SVOP: variants seen among roughly 807,000 people sequenced by gnomAD.
SVOP encodes SV2 related protein, also known as synaptic vesicle 2-related protein.
A neutral mutation model predicts 69.1 loss-of-function variants in SVOP; 17 were observed. The ratio of observed to expected loss-of-function variants is 0.25; its 90% confidence interval spans 0.17 to 0.37. The LOEUF is 0.37. Among genes scored for constraint, SVOP ranks in the 10% least tolerant of loss-of-function variants. SVOP has a pLI of 1.00. For missense variants in SVOP, 435 were observed against 597.5 expected, an observed-to-expected ratio of 0.73 and a Z score of 2.84; for synonymous variants, 238 against 238.6, an observed-to-expected ratio of 1.00 and a Z score of 0.02.
chr12:108,947,477 T>C (rs149859695), intron 6 of SVOP, among the ~76,000 whole-genome samples: 2 of 152,328 alleles, frequency 1.3e-5, no homozygotes, highest in East Asian at 3.9e-4. Flanking sequence ...ACCTTAGGGT[T>C]CATTCTAAAC....
At position 108,936,023 on chromosome 12, in the gene SVOP, T is replaced by TACACACACACACACACACACAC. The variant is rs144380662; in HGVS notation, c.971+1219_971+1240dup. On this transcript the variant is annotated intron_variant, in intron 10 of 15. Transcript: ENST00000610966. ...AGGGAAGACACTGACATAGTATAAATACACACACACACACACACACACACA... is the reference window on the plus strand; with the variant it reads ...AGGGAAGACACTGACATAGTATAAATACACACACACACACACACACACACACACACACACACACACACACACA... Among the ~76,000 whole-genome samples the TACACACACACACACACACACAC allele has an allele frequency of 4.8e-3, 700 of 144,638 alleles. 2 individuals are homozygous for TACACACACACACACACACACAC. Among genetic ancestry groups the TACACACACACACACACACACAC allele is most frequent in the Non-Finnish European group, 6.7e-3 (440 of 65,988 alleles). 94.9% of individuals were successfully genotyped at this position (144,638 alleles called of 152,430 possible).
At chr12:109,019,916 C>A (rs1027550464) in intron 1 of SVOP, among the ~76,000 whole-genome samples, 1 of 152,108 alleles carries the variant, frequency 6.6e-6, no homozygotes, top group Non-Finnish European at 1.5e-5. Flanking sequence ...AAAATACACA[C>A]ACACTAACTA....
At chr12:108,923,912 A>G (rs774727074) in intron 11 of SVOP, among the ~76,000 whole-genome samples, 2 of 152,118 alleles carry the variant, frequency 1.3e-5, no homozygotes, top group African/African-American at 4.8e-5. Context: ...CTCTCAAACT[A>G]TGGGACTAAT....
intron 1 of SVOP, among the ~76,000 whole-genome samples, chr12:108,991,218 C>A (rs1566064168): frequency 6.6e-6 from 1 of 152,184 alleles, no homozygotes; most frequent in Non-Finnish European, 1.5e-5. Flanking sequence ...TGACAGACTG[C>A]CTTAGGCCTG....
chr12:108,918,941 C>T (rs1203250790), intron 13 of SVOP, among the ~76,000 whole-genome samples: 1 of 152,090 alleles, frequency 6.6e-6, no homozygotes, highest in African/African-American at 2.4e-5. Context: ...ACCCTCAGTC[C>T]TAATGAACAC....
At chr12:108,999,365 A>G (rs1268605768) in intron 1 of SVOP, among the ~76,000 whole-genome samples, 1 of 151,638 alleles carries the variant, frequency 6.6e-6, no homozygotes, top group Non-Finnish European at 1.5e-5. Flanking sequence ...TAATAATGGC[A>G]GACTTTAACA....
In SVOP at chr12:108,960,814, T is replaced by C. The variant is rs1001689950; in HGVS notation, c.578+109A>G. On this transcript the variant is annotated intron_variant, in intron 6 of 15. Transcript: ENST00000610966. ...GATCCTGGAAGCCCTGGTATAGCTA[T>C]CTCTGCACCCCTGCTGCCCCATCTC... 3 of 1,358,078 alleles carry C rather than the reference T, an allele frequency of 2.2e-6. No individual in the cohort carries two copies. The African/African-American group carries it at 4.4e-5, about 20-fold the overall frequency. 84.1% of individuals were successfully genotyped at this position (1,358,078 alleles called of 1,614,324 possible). A position where few individuals can be genotyped will look rare whatever the true frequency, so the allele number is the denominator to read the frequency against.
chr12:108,948,128 G>A (rs2039935134), intron 6 of SVOP, among the ~76,000 whole-genome samples: 1 of 152,140 alleles, frequency 6.6e-6, no homozygotes, highest in Non-Finnish European at 1.5e-5. Context: ...GGGGAGGGGT[G>A]GGGGTCAGAT....
chr12:108,912,526 C>A lies in SVOP; in HGVS notation c.*9G>T, dbSNP rs372509262. ...AGCCTCAAAGACCAGCTCAGTCCCCCATCGGTCACTATTCCTGAGAGCCAG... is the reference window on the plus strand; with the variant it reads ...AGCCTCAAAGACCAGCTCAGTCCCCAATCGGTCACTATTCCTGAGAGCCAG... On this transcript the variant is annotated 3_prime_UTR_variant, in exon 16 of 16. Coordinates refer to ENST00000610966, the MANE Select transcript of SVOP (RefSeq NM_018711.5). 13 of 1,613,794 alleles carry A rather than the reference C, an allele frequency of 8.1e-6. No individual in the cohort carries two copies. The highest frequency in any genetic ancestry group is 1.0e-5 in the Non-Finnish European group (12 of 1,179,692).
chr12:108,990,021 C>A (rs1429394819), intron 1 of SVOP, among the ~76,000 whole-genome samples: 2 of 152,188 alleles, frequency 1.3e-5, no homozygotes, highest in South Asian at 2.1e-4. Flanking sequence ...CAGGTTACAG[C>A]AGTTGCCCTA....
intron 8 of SVOP, 24 bp downstream of exon 8, chr12:108,940,760 T>A (rs923807437): frequency 1.3e-6 from 2 of 1,533,140 alleles, no homozygotes; most frequent in Non-Finnish European, 1.7e-6. Flanking sequence ...CAGCAAAAGG[T>A]GAAATCTCTT....
chr12:108,997,318 G>C (rs1023354417), intron 1 of SVOP, among the ~76,000 whole-genome samples: 1 of 152,090 alleles, frequency 6.6e-6, no homozygotes, highest in African/African-American at 2.4e-5. Context: ...CTACGCCCAC[G>C]GAGTCTCGCT....
chr12:108,920,844 G>A (rs1476412915), intron 12 of SVOP, among the ~76,000 whole-genome samples: 2 of 152,070 alleles, frequency 1.3e-5, no homozygotes, highest in East Asian at 3.9e-4. Context: ...TAATCTGCCT[G>A]CCTTGGCCTC....
At chr12:108,954,355 T>C (rs943877313) in intron 6 of SVOP, among the ~76,000 whole-genome samples, 1 of 152,178 alleles carries the variant, frequency 6.6e-6, no homozygotes, top group Non-Finnish European at 1.5e-5. Context: ...GTGTCTGGAA[T>C]GTAATGATAG....
intron 1 of SVOP, among the ~76,000 whole-genome samples, chr12:108,988,279 G>C (rs2040177549): frequency 1.3e-5 from 2 of 152,048 alleles, no homozygotes; most frequent in Non-Finnish European, 2.9e-5. Flanking sequence ...TTTATTATCT[G>C]CTCTTTTGGT....
intron 6 of SVOP, among the ~76,000 whole-genome samples, chr12:108,953,112 T>G (rs1458618129): frequency 6.7e-6 from 1 of 148,634 alleles, no homozygotes; most frequent in Non-Finnish European, 1.5e-5. Context: ...CGTAGAGGAA[T>G]GGGCTCCTTA....
intron 9 of SVOP, among the ~76,000 whole-genome samples, chr12:108,938,282 C>T (rs1384060395): frequency 5.9e-5 from 9 of 152,144 alleles, no homozygotes; most frequent in East Asian, 1.9e-4. Flanking sequence ...GCCTTAAATC[C>T]GAATCTTTTC....
intron 13 of SVOP, among the ~76,000 whole-genome samples, chr12:108,918,488 T>C (rs2137387841): frequency 6.6e-6 from 1 of 152,320 alleles, no homozygotes; most frequent in African/African-American, 2.4e-5. Flanking sequence ...CACTATTTAG[T>C]ATTCTTAGGA....
chr12:108,937,424 G>A lies in SVOP; in HGVS notation c.898-87C>T. On this transcript the variant is annotated intron_variant, in intron 9 of 15. Transcript: ENST00000610966. ...GGTGGCCTGAGACTAGTGCACACCA[G>A]GCTGGGAGGAAGGTTTCTAGTAAGT... 3.1e-6 allele frequency: 4 copies of A among 1,302,318 alleles called. No individual in the cohort carries two copies. The Middle Eastern group carries it at 7.3e-4, about 239-fold the overall frequency. The allele number at this position is 1,302,318 out of a possible 1,614,324, so 80.7% of individuals were successfully genotyped here. A position where few individuals can be genotyped will look rare whatever the true frequency, so the allele number is the denominator to read the frequency against.
Sources: gnomAD v4.1 joint callset for allele counts (sites outside exome capture counted in the v4.1 genomes callset) on GRCh38, gnomAD v4.1.1 for gene constraint, MANE v1.5 for transcripts, NCBI Gene and HGNC (gene_info 2026-07-23, HGNC 2026-07-21) for gene names.